The following CENPS variants were observed in gnomAD, a reference collection of about 807,000 sequenced individuals.
CENPS encodes the protein FANCM associated histone fold protein 1.
A neutral mutation model predicts 17.9 loss-of-function variants in CENPS; 16 were observed. That is an observed-to-expected ratio of 0.90 (90% confidence interval 0.61 to 1.36). CENPS has a LOEUF of 1.36. Among genes scored for constraint, CENPS ranks in the 40% most tolerant of loss-of-function variants. The probability of loss-of-function intolerance (pLI) is 0.00; values close to 1 mark genes in which losing one functional copy is unlikely to be tolerated. For synonymous variants in CENPS, 49 were observed against 55.8 expected (o/e 0.88, Z 0.54); for missense variants, 160 against 158.6 (o/e 1.01, Z -0.05).
At chr1:10,434,076 AT>A in intron 2 of CENPS, 111 bp downstream of exon 2, 1 of 1,543,704 alleles carries the variant, frequency 6.5e-7, no homozygotes, top group Non-Finnish European at 8.8e-7. Flanking sequence ...GACCAAGAAT[AT>A]TATCATCCTC....
At chr1:10,440,688 A>G (rs1286293206) in intron 4 of CENPS, among the ~76,000 whole-genome samples, 1 of 152,236 alleles carries the variant, frequency 6.6e-6, no homozygotes, top group African/African-American at 2.4e-5. Context: ...TTCATTTACA[A>G]CATGATGTCA....
intron 1 of CENPS, among the ~76,000 whole-genome samples, 165 bp from the exon 2 acceptor site, chr1:10,433,677 T>C (rs959205410): frequency 2.0e-5 from 3 of 152,192 alleles, no homozygotes; most frequent in Admixed American, 1.3e-4. Flanking sequence ...CGCACTCCAG[T>C]GGGTCTCATT....
chr1:10,441,412 T>C (rs1412324507), intron 4 of CENPS, among the ~76,000 whole-genome samples: 1 of 148,110 alleles, frequency 6.8e-6, no homozygotes, highest in Non-Finnish European at 1.5e-5. Context: ...TCTCCTGGGC[T>C]CCAGTGATAC....
At position 10,442,519 on chromosome 1, in the gene CENPS, A is replaced by G; in HGVS notation, c.*114A>G. 7.4e-7 allele frequency: 1 copy of G among 1,356,176 alleles called. No homozygotes were observed. Among genetic ancestry groups the G allele is most frequent in the Non-Finnish European group, 9.5e-7 (1 of 1,053,528 alleles). The allele number at this position is 1,356,176 out of a possible 1,614,324, so 84.0% of individuals were successfully genotyped here. On this transcript the variant is annotated 3_prime_UTR_variant, in exon 5 of 5. Transcript: ENST00000309048. ...ATAGAGATTTAAAAAAATAAAATAA[A>G]AAGGCTGGGCTAGGGTGCTTTTTGT... is the stretch of plus-strand genomic sequence containing the variant.
intron 1 of CENPS, among the ~76,000 whole-genome samples, chr1:10,433,079 A>G (rs933948949): frequency 1.3e-5 from 2 of 152,132 alleles, no homozygotes; most frequent in Non-Finnish European, 2.9e-5. Flanking sequence ...TTCAGCTGTC[A>G]TCACGTGCAG....
chr1:10,440,220 T>G, intron 3 of CENPS, 127 bp from the exon 4 acceptor site: 1 of 1,276,492 alleles, frequency 7.8e-7, no homozygotes, highest in South Asian at 1.6e-5. Context: ...CTTAATGCCC[T>G]TTATCTAAAA....
At chr1:10,432,424 C>T (rs1639962113) in intron 1 of CENPS, among the ~76,000 whole-genome samples, 1 of 152,190 alleles carries the variant, frequency 6.6e-6, no homozygotes, top group Non-Finnish European at 1.5e-5. Context: ...TCTCAATAGA[C>T]CAACAAATGC....
At chr1:10,433,428 G>A (rs1471686885) in intron 1 of CENPS, among the ~76,000 whole-genome samples, 1 of 152,150 alleles carries the variant, frequency 6.6e-6, no homozygotes, top group Non-Finnish European at 1.5e-5. Flanking sequence ...CTTCTGTATT[G>A]TTGATTAACT....
intron 3 of CENPS, among the ~76,000 whole-genome samples, chr1:10,435,898 A>C (rs1007808027): frequency 6.6e-6 from 1 of 151,718 alleles, no homozygotes; most frequent in African/African-American, 2.4e-5. Flanking sequence ...TAAAAATTCT[A>C]TTTAAAAAAT....
At chr1:10,437,022 C>CT (rs2124272008) in intron 3 of CENPS, among the ~76,000 whole-genome samples, 1 of 152,338 alleles carries the variant, frequency 6.6e-6, no homozygotes, top group Admixed American at 6.5e-5. Flanking sequence ...ACTCCCAAGA[C>CT]TATCATTACC....
chr1:10,434,593 T>C (rs1269394342), intron 2 of CENPS, 64 bp from the exon 3 acceptor site: 5 of 1,600,928 alleles, frequency 3.1e-6, no homozygotes, highest in Non-Finnish European at 4.3e-6. Flanking sequence ...AAGGCTTCAC[T>C]TTTTCTGCTT....
intron 3 of CENPS, among the ~76,000 whole-genome samples, chr1:10,438,770 C>T (rs911877728): frequency 6.6e-6 from 1 of 152,058 alleles, no homozygotes; most frequent in Non-Finnish European, 1.5e-5. Flanking sequence ...GGACTGAGAT[C>T]GTTGTTTCCT....
intron 4 of CENPS, among the ~76,000 whole-genome samples, chr1:10,440,998 G>A (rs1640384187): frequency 6.6e-6 from 1 of 152,168 alleles, no homozygotes; most frequent in African/African-American, 2.4e-5. Context: ...TAGAATGTGG[G>A]CCCCACAAGA....
intron 1 of CENPS, among the ~76,000 whole-genome samples, chr1:10,433,059 C>A (rs1639992199): frequency 6.6e-6 from 1 of 152,162 alleles, no homozygotes; most frequent in Non-Finnish European, 1.5e-5. Context: ...AGATTTTATG[C>A]CCTTGTGGGT....
intron 1 of CENPS, among the ~76,000 whole-genome samples, chr1:10,431,944 C>T (rs927283234): frequency 2.0e-5 from 3 of 151,462 alleles, no homozygotes; most frequent in Non-Finnish European, 2.9e-5. Flanking sequence ...TGATAAAACT[C>T]TATTGAATGT....
intron 1 of CENPS, chr1:10,430,895 A>G: frequency 7.8e-7 from 1 of 1,281,580 alleles, no homozygotes; most frequent in Non-Finnish European, 9.9e-7. Flanking sequence ...TCGTGAGGGT[A>G]CAACGTCGGC....
intron 3 of CENPS, among the ~76,000 whole-genome samples, chr1:10,435,763 C>T (rs986439531): frequency 7.0e-6 from 1 of 143,796 alleles, no homozygotes; most frequent in Non-Finnish European, 1.5e-5. Flanking sequence ...ATATTAGAGA[C>T]ACAGCGTCTT....
In CENPS at chr1:10,430,460, C is replaced by G; in HGVS notation, c.-58C>G. On this transcript the variant is annotated 5_prime_UTR_variant, in exon 1 of 5. Transcript: ENST00000309048. ...GCCGCGGCGGGAAAATCCGACCTGGCCGCGCACCACCGCCCCTTCTCGGCC... is the reference window on the plus strand; with the variant it reads ...GCCGCGGCGGGAAAATCCGACCTGGGCGCGCACCACCGCCCCTTCTCGGCC... 1 of 1,525,458 alleles carries G rather than the reference C, an allele frequency of 6.6e-7. No individual in the cohort carries two copies. The highest frequency in any genetic ancestry group is 8.8e-7 in the Non-Finnish European group (1 of 1,137,288). The allele number at this position is 1,525,458 out of a possible 1,614,324, so 94.5% of individuals were successfully genotyped here.
intron 3 of CENPS, among the ~76,000 whole-genome samples, chr1:10,435,831 C>CAA (rs1465909751): frequency 6.6e-5 from 10 of 151,892 alleles, no homozygotes; most frequent in African/African-American, 2.4e-4. Context: ...GCCTTGGGCT[C>CAA]CCAAAGTGCT....
Sources: gnomAD v4.1 joint callset for allele counts (sites outside exome capture counted in the v4.1 genomes callset) on GRCh38, gnomAD v4.1.1 for gene constraint, MANE v1.5 for transcripts, NCBI Gene and HGNC (gene_info 2026-07-23, HGNC 2026-07-21) for gene names.